Variants in CCDC171 observed in about 807,000 individuals in gnomAD.
The protein encoded by CCDC171 is coiled-coil domain containing 171.
Under a neutral mutation model 168.2 loss-of-function variants are expected in CCDC171, and 177 were observed. That is an observed-to-expected ratio of 1.05 (90% CI 0.93 to 1.19). CCDC171 has a LOEUF of 1.19. Among genes scored for constraint, CCDC171 ranks in the 50% most tolerant of loss-of-function variants. The probability of loss-of-function intolerance (pLI) is 0.00; values close to 1 mark genes in which losing one functional copy is unlikely to be tolerated. For missense variants in CCDC171, 1,991 were observed against 1,539.0 expected, an observed-to-expected ratio of 1.29 and a Z score of -4.91; for synonymous variants, 687 against 540.8, an observed-to-expected ratio of 1.27 and a Z score of -3.75.
At chr9:15,869,326 C>G (rs1386597610) in intron 23 of CCDC171, among the ~76,000 whole-genome samples, 1 of 151,868 alleles carries the variant, frequency 6.6e-6, no homozygotes, top group Non-Finnish European at 1.5e-5. Context: ...CCATCCTATC[C>G]CTGAATATCA....
chr9:15,712,400 G>T (rs893467901), intron 11 of CCDC171, among the ~76,000 whole-genome samples: 7 of 152,098 alleles, frequency 4.6e-5, no homozygotes, highest in African/African-American at 1.7e-4. Context: ...ATATTAAGTG[G>T]AATCATACAG....
At chr9:15,844,883 T>C (rs1173661806) in intron 21 of CCDC171, among the ~76,000 whole-genome samples, 1 of 152,096 alleles carries the variant, frequency 6.6e-6, no homozygotes, top group African/African-American at 2.4e-5. Context: ...ATCAGGAAGC[T>C]TCAGTCTGGA....
At chr9:15,581,492 A>T (rs146313600) in intron 4 of CCDC171, among the ~76,000 whole-genome samples, 1 of 152,332 alleles carries the variant, frequency 6.6e-6, no homozygotes, top group South Asian at 2.1e-4. Flanking sequence ...AAGCAAAAAG[A>T]ACAAAGCTGG....
At chr9:15,996,091 T>C (rs993756162) in intron 3 of CCDC171, among the ~76,000 whole-genome samples, 1 of 152,202 alleles carries the variant, frequency 6.6e-6, no homozygotes, top group African/African-American at 2.4e-5. Flanking sequence ...TCTCCAACAA[T>C]TGACTTTCTG....
In CCDC171 at chr9:15,979,715, T is replaced by G. The variant is rs189004558; in HGVS notation, n.369-40874T>G. Among the ~76,000 whole-genome samples, 392 of 152,090 alleles carry G rather than the reference T, an allele frequency of 2.6e-3. 1 individual carries two copies. Among genetic ancestry groups the G allele is most frequent in the Non-Finnish European group, 3.6e-3 (242 of 67,968 alleles). On this transcript the variant is annotated intron_variant and non_coding_transcript_variant, in intron 3 of 9. Transcript: ENST00000486641. ...CAGTTTCCTAGGATTTGTTGGAGAT[T>G]TTGCATCTCTGAAAATAAGGAGTAT...
intron 18 of CCDC171, among the ~76,000 whole-genome samples, chr9:15,766,610 C>T (rs185051826): frequency 6.6e-6 from 1 of 152,022 alleles, no homozygotes; most frequent in African/African-American, 2.4e-5. Context: ...TAAGGGCCAA[C>T]TCTTCCTGGC....
At chr9:15,618,316 T>C (rs1371170877) in intron 6 of CCDC171, among the ~76,000 whole-genome samples, 2 of 152,156 alleles carry the variant, frequency 1.3e-5, no homozygotes, top group Admixed American at 6.5e-5. Context: ...TCCTTAGCAC[T>C]ATCAGGAGAA....
Position 15,817,885 on chromosome 9 carries a change from C to A in CCDC171, c.3268-28817C>A, listed in dbSNP as rs1588673022. Among the ~76,000 whole-genome samples, 2 of 118,694 alleles carry A rather than the reference C, an allele frequency of 1.7e-5. 1 individual carries two copies. Among genetic ancestry groups the A allele is most frequent in the Non-Finnish European group, 3.8e-5 (2 of 52,582 alleles). 77.9% of individuals were successfully genotyped at this position (118,694 alleles called of 152,430 possible). A position where few individuals can be genotyped will look rare whatever the true frequency, so the allele number is the denominator to read the frequency against. ...ACACAGCTTGAGATCTGAGAACGGG[C>A]AGACTGCCTCCTCAAGTGGGTCCCT... On this transcript the variant is annotated intron_variant, in intron 21 of 25. Transcript: ENST00000380701.
intron 7 of CCDC171, among the ~76,000 whole-genome samples, chr9:15,636,905 G>A (rs1334938837): frequency 6.6e-6 from 1 of 152,036 alleles, no homozygotes; most frequent in East Asian, 1.9e-4. Flanking sequence ...GCTGTACTAT[G>A]TAATAACGAA....
intron 25 of CCDC171, among the ~76,000 whole-genome samples, chr9:15,962,378 C>G (rs1830429901): frequency 1.3e-5 from 2 of 152,038 alleles, no homozygotes; most frequent in African/African-American, 4.8e-5. Flanking sequence ...TAATTTTTGT[C>G]TGTTATTATT....
intron 3 of CCDC171, among the ~76,000 whole-genome samples, chr9:15,996,338 T>C (rs1276990653): frequency 6.6e-6 from 1 of 151,798 alleles, no homozygotes; most frequent in African/African-American, 2.4e-5. Context: ...ATTTTATTAC[T>C]TTTTATGGGC....
intron 18 of CCDC171, among the ~76,000 whole-genome samples, chr9:15,772,748 G>A (rs1280952391): frequency 6.6e-6 from 1 of 152,146 alleles, no homozygotes; most frequent in African/African-American, 2.4e-5. Context: ...TGTGTGTTAC[G>A]AGTTATTCTA....
At chr9:16,027,401 T>TA (rs1289788948) in intron 6 of CCDC171, among the ~76,000 whole-genome samples, 2 of 152,106 alleles carry the variant, frequency 1.3e-5, no homozygotes, top group Non-Finnish European at 2.9e-5. Flanking sequence ...GAGGCACTGA[T>TA]ACAGCTGGGT....
the CCDC171 span, among the ~76,000 whole-genome samples, chr9:16,080,131 G>C: frequency 1.3e-5 from 2 of 152,150 alleles, no homozygotes; most frequent in Non-Finnish European, 2.9e-5. Context: ...TTTATGCTAT[G>C]GCTTCTGGAG....
intron 7 of CCDC171, among the ~76,000 whole-genome samples, chr9:15,627,636 G>A (rs946272514): frequency 2.0e-5 from 3 of 152,164 alleles, no homozygotes; most frequent in African/African-American, 7.2e-5. Context: ...TTTTGAATGA[G>A]TTTCTTAATC....
At position 15,724,777 on chromosome 9, in the gene CCDC171, A is replaced by T; in HGVS notation, c.1493A>T (p.Glu498Val). Residue 498 changes from glutamate (E) to valine (V), a missense_variant and splice_region_variant, in exon 14 of 26, where the codon GAA becomes GTA. Physicochemically the swap from Glu to Val is moderately radical, Grantham distance 121 (BLOSUM62 -2). Transcript: ENST00000380701. ...KIDSHTKNIK[E>V]LQDKLADVNK... ...CTCTTTATTTGGTATCTATGACAGG[A>T]ACTTCAGGATAAACTGGCTGATGTT... 6.2e-7 allele frequency: 1 copy of T among 1,611,348 alleles called. No individual in the cohort carries two copies. The highest frequency in any genetic ancestry group is 8.5e-7 in the Non-Finnish European group (1 of 1,177,880).
chr9:15,634,851 T>C (rs547129800), intron 7 of CCDC171, among the ~76,000 whole-genome samples: 1 of 152,352 alleles, frequency 6.6e-6, no homozygotes, highest in African/African-American at 2.4e-5. Flanking sequence ...TCTGTCTTTA[T>C]AGATTTGCCT....
At chr9:15,917,716 T>C (rs1824715453) in intron 24 of CCDC171, among the ~76,000 whole-genome samples, 1 of 151,594 alleles carries the variant, frequency 6.6e-6, no homozygotes, top group Non-Finnish European at 1.5e-5. Flanking sequence ...GGTTAGAAAA[T>C]GGGATAACTT....
chr9:15,977,016 C>G (rs1159467951), downstream of CCDC171, among the ~76,000 whole-genome samples: 1 of 152,150 alleles, frequency 6.6e-6, no homozygotes, highest in Non-Finnish European at 1.5e-5. Flanking sequence ...GCCTCTGGTT[C>G]TGTAAGAAAC....
Sources: allele counts gnomAD v4.1 joint callset (sites outside exome capture counted in the v4.1 genomes callset), GRCh38; gene constraint gnomAD v4.1.1; transcripts MANE v1.5; gene names NCBI Gene and HGNC (gene_info 2026-07-23, HGNC 2026-07-21).